The following SLC36A1 variants were observed in gnomAD, a reference collection of about 807,000 sequenced individuals.
SLC36A1 encodes proton-coupled amino acid transporter 1.
In SLC36A1, 30 loss-of-function variants were observed where a neutral mutation model predicts 47.5. That is an observed-to-expected ratio of 0.63 (90% CI 0.47 to 0.86). SLC36A1 has a LOEUF of 0.86. SLC36A1 is among the 40% of genes least tolerant of loss of function. The pLI is 0.00. For missense variants in SLC36A1, 517 were observed against 606.0 expected (o/e 0.85, Z 1.54); for synonymous variants, 255 against 249.7 (o/e 1.02, Z -0.20).
the SLC36A1 span, chr5:151,528,035 CT>C: frequency 5.0e-6 from 8 of 1,614,230 alleles, no homozygotes; most frequent in Non-Finnish European, 6.8e-6. Context: ...GTAGCTCCCC[CT>C]TTTTGGGGTG....
intron 4 of SLC36A1, 50 bp downstream of exon 4, chr5:151,464,652 TC>T (rs767797487): frequency 1.3e-6 from 2 of 1,526,058 alleles, no homozygotes; most frequent in Non-Finnish European, 1.8e-6. Context: ...CCTTTTGGGT[TC>T]TGTTATCAAC....
the SLC36A1 span, among the ~76,000 whole-genome samples, chr5:151,553,956 G>A: frequency 3.3e-5 from 5 of 152,182 alleles, no homozygotes; most frequent in African/African-American, 1.2e-4. Flanking sequence ...GCACCCATGC[G>A]CTAGCTACCT....
the SLC36A1 span, among the ~76,000 whole-genome samples, chr5:151,406,051 G>A: frequency 6.6e-6 from 1 of 152,158 alleles, no homozygotes; most frequent in East Asian, 1.9e-4. Flanking sequence ...GGGATGAGAG[G>A]GTAAAAGATG....
chr5:151,524,022 G>A, the SLC36A1 span, among the ~76,000 whole-genome samples: 3 of 151,964 alleles, frequency 2.0e-5, no homozygotes, highest in Non-Finnish European at 2.9e-5. Flanking sequence ...AAATCTCTCC[G>A]CTTCCTGCAT....
chr5:151,538,023 G>A, the SLC36A1 span: 1 of 1,340,674 alleles, frequency 7.5e-7, no homozygotes, highest in Non-Finnish European at 1.0e-6. Flanking sequence ...GTGACTGACT[G>A]AGGGAGGCAG....
At chr5:151,468,844 A>G (rs357622) in intron 7 of SLC36A1, among the ~76,000 whole-genome samples, 58,816 of 151,960 alleles carry the variant, frequency 0.39, 11,508 homozygotes, top group East Asian at 0.5. Flanking sequence ...TAGATAAGTA[A>G]TTCCTTATCA....
chr5:151,358,205 G>C, the SLC36A1 span, among the ~76,000 whole-genome samples: 1 of 152,084 alleles, frequency 6.6e-6, no homozygotes, highest in Admixed American at 6.5e-5. Context: ...TTAGGTTGCA[G>C]TGTCTTATGC....
intron 1 of SLC36A1, among the ~76,000 whole-genome samples, chr5:151,448,493 C>T (rs1468671841): frequency 1.3e-5 from 2 of 152,136 alleles, no homozygotes; most frequent in African/African-American, 2.4e-5. Context: ...CAAACTCATC[C>T]TTCTGTAGGT....
At chr5:151,350,110 C>G in the SLC36A1 span, among the ~76,000 whole-genome samples, 13 of 145,204 alleles carry the variant, frequency 9.0e-5, no homozygotes, top group Non-Finnish European at 1.5e-4. Context: ...ATTCATCACC[C>G]TATCCTCACC....
At chr5:151,481,182 A>G (rs1423709709) in intron 10 of SLC36A1, among the ~76,000 whole-genome samples, 1 of 152,186 alleles carries the variant, frequency 6.6e-6, no homozygotes, top group Non-Finnish European at 1.5e-5. Flanking sequence ...TGTGAGTCTC[A>G]TCTCCCTTCA....
chr5:151,449,958 G>A (rs1259286830), intron 1 of SLC36A1, among the ~76,000 whole-genome samples: 1 of 99,106 alleles, frequency 1.0e-5, no homozygotes, highest in Non-Finnish European at 2.4e-5. Flanking sequence ...GGATGGAGCA[G>A]ATGTCCACTT....
the SLC36A1 span, chr5:151,512,855 A>AAACTGAGGC: frequency 1.9e-6 from 1 of 532,316 alleles, no homozygotes; most frequent in Non-Finnish European, 3.4e-6. This position sits in a 1 kb window ranked among gnomAD's most constrained non-coding sequence, Gnocchi z 4.1. Flanking sequence ...ACAGATGAGG[A>AAACTGAGGC]AACTGAGGCC....
chr5:151,544,433 C>A, the SLC36A1 span: 1 of 1,614,178 alleles, frequency 6.2e-7, no homozygotes, highest in Non-Finnish European at 8.5e-7. Context: ...GACTCATAGT[C>A]CAAAGGCCCT....
the SLC36A1 span, among the ~76,000 whole-genome samples, chr5:151,542,012 T>C: frequency 6.6e-6 from 1 of 152,230 alleles, no homozygotes; most frequent in Non-Finnish European, 1.5e-5. Context: ...GTATGACTCA[T>C]GTAAAATAAT....
chr5:151,501,716 A>G, the SLC36A1 span, among the ~76,000 whole-genome samples: 1 of 148,544 alleles, frequency 6.7e-6, no homozygotes, highest in Non-Finnish European at 1.5e-5. Context: ...TTACTGAGGA[A>G]TGAGAGGCCT....
At chr5:151,349,327 G>C in the SLC36A1 span, among the ~76,000 whole-genome samples, 1 of 152,102 alleles carries the variant, frequency 6.6e-6, no homozygotes, top group Non-Finnish European at 1.5e-5. Flanking sequence ...AAAAAAGCTT[G>C]TAGGGTGGGG....
chr5:151,540,624 C>T, the SLC36A1 span: 33 of 1,614,116 alleles, frequency 2.0e-5, 1 homozygote, highest in Admixed American at 1.0e-4. Context: ...CCACAGTGAC[C>T]GAAGCCTGGA....
chr5:151,393,691 G>A, the SLC36A1 span, among the ~76,000 whole-genome samples: 1 of 152,046 alleles, frequency 6.6e-6, no homozygotes, highest in African/African-American at 2.4e-5. Flanking sequence ...TGAAATTCTG[G>A]GTTGAAAATT....
At chr5:151,380,002 G>A in the SLC36A1 span, among the ~76,000 whole-genome samples, 1 of 151,926 alleles carries the variant, frequency 6.6e-6, no homozygotes, top group Admixed American at 6.6e-5. Context: ...TCAAAGCAAG[G>A]TGAAGGGGAG....
Sources: allele counts gnomAD v4.1 joint callset (sites outside exome capture counted in the v4.1 genomes callset), GRCh38; gene constraint gnomAD v4.1.1; non-coding constraint Gnocchi (gnomAD v3.1); transcripts MANE v1.5; gene names NCBI Gene and HGNC (gene_info 2026-07-23, HGNC 2026-07-21).